The following DLG2 variants were observed in gnomAD, a reference collection of about 807,000 sequenced individuals.
DLG2 encodes discs large MAGUK scaffold protein 2.
DLG2 carries 45 observed loss-of-function variants against 132.5 expected under a neutral mutation model. That is an observed-to-expected ratio of 0.34 (90% CI 0.27 to 0.44). The LOEUF is 0.44. Ranked by LOEUF, DLG2 falls within the 20% of genes least tolerant of loss-of-function variation. The probability of loss-of-function intolerance (pLI) is 1.00; values close to 1 mark genes in which losing one functional copy is unlikely to be tolerated. For missense variants in DLG2, 1,045 were observed against 1,196.9 expected (o/e 0.87, Z 1.87); for synonymous variants, 424 against 419.6 (o/e 1.01, Z -0.13).
At chr11:84,641,653 G>C (rs916948379) in intron 6 of DLG2, among the ~76,000 whole-genome samples, 4 of 152,076 alleles carry the variant, frequency 2.6e-5, no homozygotes, top group African/African-American at 4.8e-5. Flanking sequence ...TCCAAGGCCA[G>C]ACTACCCAGT....
chr11:84,439,190 C>A (rs1194000865), intron 7 of DLG2, among the ~76,000 whole-genome samples: 2 of 152,158 alleles, frequency 1.3e-5, no homozygotes, highest in Non-Finnish European at 2.9e-5. Context: ...GTTTCTGACC[C>A]TGACTTTGCT....
intron 18 of DLG2, among the ~76,000 whole-genome samples, chr11:83,732,794 T>A (rs2091250622): frequency 6.6e-6 from 1 of 152,158 alleles, no homozygotes; most frequent in African/African-American, 2.4e-5. Flanking sequence ...TCTTTCATAG[T>A]TTCATGCTCC....
chr11:84,448,013 AT>A (rs1304805887), intron 7 of DLG2, among the ~76,000 whole-genome samples: 2 of 152,062 alleles, frequency 1.3e-5, no homozygotes, highest in African/African-American at 2.4e-5. Context: ...AAATAAGGCC[AT>A]TTTTTTGAAA....
At chr11:85,468,901 T>G (rs1327185834) in intron 3 of DLG2, among the ~76,000 whole-genome samples, 2 of 152,192 alleles carry the variant, frequency 1.3e-5, no homozygotes, top group Non-Finnish European at 2.9e-5. Context: ...CAAGCAATTC[T>G]TCCGCCTTGG....
intron 7 of DLG2, among the ~76,000 whole-genome samples, chr11:84,489,321 T>C (rs909652550): frequency 6.6e-6 from 1 of 152,142 alleles, no homozygotes; most frequent in Non-Finnish European, 1.5e-5. Flanking sequence ...TATAGGCAAC[T>C]TTATTTGTAC....
chr11:85,004,310 G>C (rs188574768), intron 6 of DLG2, among the ~76,000 whole-genome samples: 136 of 152,244 alleles, frequency 8.9e-4, no homozygotes, highest in African/African-American at 3.2e-3. Flanking sequence ...CTTCCACAAC[G>C]GTTGAACTAA....
intron 11 of DLG2, among the ~76,000 whole-genome samples, chr11:84,033,531 T>C (rs974055040): frequency 5.3e-5 from 8 of 152,208 alleles, no homozygotes; most frequent in Non-Finnish European, 1.2e-4. Context: ...CTGGTGAAGA[T>C]GTGAATATTG....
chr11:85,418,868 G>A (rs555447818), intron 3 of DLG2, among the ~76,000 whole-genome samples: 29 of 152,280 alleles, frequency 1.9e-4, no homozygotes, highest in Non-Finnish European at 3.8e-4. Flanking sequence ...ACACTGATGG[G>A]TCTTGGCTCT....
intron 6 of DLG2, among the ~76,000 whole-genome samples, chr11:84,931,728 T>C (rs2048113920): frequency 6.6e-6 from 1 of 152,222 alleles, no homozygotes; most frequent in Non-Finnish European, 1.5e-5. Flanking sequence ...TACTTTACTC[T>C]CCTAGCAATA....
intron 7 of DLG2, among the ~76,000 whole-genome samples, chr11:84,417,458 T>C (rs974019343): frequency 5.3e-5 from 8 of 152,178 alleles, no homozygotes; most frequent in Non-Finnish European, 7.3e-5. Context: ...TCCCAAACTA[T>C]CACAGCCTTC....
At chr11:83,874,513 C>A in intron 15 of DLG2, 25 bp from the exon 16 acceptor site, 2 of 1,553,076 alleles carry the variant, frequency 1.3e-6, no homozygotes, top group South Asian at 2.5e-5. Context: ...AGAAGAAACA[C>A]ACATCATTTA....
rs182371461 is a variant in DLG2, at chr11:84,863,939, A to C, written c.357+247722T>G. ...TCTGTATGGTTTGAGTTTTTAAAAA[A>C]ATACTGCTGGTAAGGATTCAGTGAA... is the stretch of plus-strand genomic sequence containing the variant. On this transcript the variant is annotated intron_variant, in intron 6 of 27. Coordinates refer to ENST00000376104, the MANE Select transcript of DLG2 (RefSeq NM_001142699.3). 3.3e-5 allele frequency among the ~76,000 whole-genome samples: 5 copies of C among 152,334 alleles called. No individual in the cohort carries two copies. In the East Asian group the frequency reaches 9.7e-4, roughly 29 times the overall value.
intron 6 of DLG2, among the ~76,000 whole-genome samples, chr11:85,056,395 A>G (rs2063464719): frequency 6.6e-6 from 1 of 152,122 alleles, no homozygotes; most frequent in Non-Finnish European, 1.5e-5. Flanking sequence ...AGGGGAATTT[A>G]AAAATGAATA....
At chr11:85,512,657 T>C (rs1352132165) in intron 3 of DLG2, among the ~76,000 whole-genome samples, 2 of 152,058 alleles carry the variant, frequency 1.3e-5, no homozygotes, top group African/African-American at 2.4e-5. Context: ...ACAACTTCTT[T>C]AGTAACAACT....
At chr11:85,060,521 A>G (rs938864374) in intron 6 of DLG2, among the ~76,000 whole-genome samples, 3 of 150,938 alleles carry the variant, frequency 2.0e-5, no homozygotes, top group African/African-American at 7.3e-5. Context: ...GTGTGTGTAT[A>G]CATGTATTTA....
chr11:85,564,298 G>T (rs2077414680), intron 3 of DLG2, among the ~76,000 whole-genome samples: 1 of 151,410 alleles, frequency 6.6e-6, no homozygotes, highest in South Asian at 2.1e-4. Context: ...TTTTTTTCAT[G>T]CACTGGGGGC....
chr11:83,823,752 C>T (rs999039548), intron 17 of DLG2, among the ~76,000 whole-genome samples: 1 of 152,200 alleles, frequency 6.6e-6, no homozygotes, highest in African/African-American at 2.4e-5. Context: ...AACACAGTTT[C>T]ATCCTCAAGG....
intron 8 of DLG2, among the ~76,000 whole-genome samples, chr11:84,243,475 G>C (rs184265768): frequency 4.6e-5 from 7 of 152,220 alleles, no homozygotes; most frequent in African/African-American, 1.7e-4. Flanking sequence ...CTCAACTGCA[G>C]GCCAAAACAT....
chr11:84,957,720 G>A (rs533700550), intron 6 of DLG2, among the ~76,000 whole-genome samples: 6 of 152,302 alleles, frequency 3.9e-5, no homozygotes, highest in South Asian at 4.1e-4. Flanking sequence ...GAAAATTGGC[G>A]TTCTCTACCT....
Sources: allele counts gnomAD v4.1 joint callset (sites outside exome capture counted in the v4.1 genomes callset), GRCh38; gene constraint gnomAD v4.1.1; transcripts MANE v1.5; gene names NCBI Gene and HGNC (gene_info 2026-07-23, HGNC 2026-07-21).